The following ALG12 variants were observed in gnomAD, a reference collection of about 807,000 sequenced individuals.
The protein encoded by ALG12 is dol-P-Man:Man(7)GlcNAc(2)-PP-Dol alpha-1,6-mannosyltransferase.
ALG12 carries 36 observed loss-of-function variants against 46.0 expected under a neutral mutation model. The ratio of observed to expected loss-of-function variants is 0.78; its 90% CI spans 0.60 to 1.03. The LOEUF is 1.03. Ranked by LOEUF, ALG12 falls within the 50% of genes least tolerant of loss-of-function variation. The pLI is 0.00. For synonymous variants in ALG12, 326 were observed against 291.6 expected (o/e 1.12, Z -1.20); for missense variants, 599 against 633.5 (o/e 0.95, Z 0.58).
the ALG12 span, among the ~76,000 whole-genome samples, chr22:49,880,565 G>A: frequency 2.0e-5 from 3 of 152,200 alleles, no homozygotes; most frequent in African/African-American, 4.8e-5. Context: ...CTCTCTCAGC[G>A]TCTGAAAACG....
rs760312733 is a variant in ALG12 at position 49,909,387 on chromosome 22, C to T, written c.665-40G>A. The T allele has an allele frequency of 4.4e-6, 7 of 1,582,252 alleles. No homozygotes were observed. In the Admixed American group the frequency reaches 1.0e-4, roughly 23 times the overall value. On this transcript the variant is annotated intron_variant, in intron 5 of 9. Coordinates refer to ENST00000330817, the MANE Select transcript of ALG12 (RefSeq NM_024105.4). Reference sequence around the variant, plus strand: ...TAGAGTTTCTTAGTCGCAAACACAGCCATCAGTAAACATCCCGCCACAATG... The same window carrying T: ...TAGAGTTTCTTAGTCGCAAACACAGTCATCAGTAAACATCCCGCCACAATG...
the ALG12 span, chr22:49,884,037 T>C: frequency 6.2e-7 from 1 of 1,604,950 alleles, no homozygotes; most frequent in Non-Finnish European, 8.5e-7. Flanking sequence ...AGCATTTTTT[T>C]ATCTCTCCCC....
In ALG12 at chr22:49,907,876, G is replaced by A. The variant is rs200095556; in HGVS notation, c.837C>T (p.Ile279=). The A allele has an allele frequency of 1.6e-5, 26 of 1,613,826 alleles. No individual in the cohort carries two copies. The highest frequency in any genetic ancestry group is 1.9e-5 in the Non-Finnish European group (23 of 1,180,046). Residue 279 remains isoleucine, a synonymous_variant, in exon 7 of 10, where the codon ATC becomes ATT. Coordinates refer to ENST00000330817, the MANE Select transcript of ALG12 (RefSeq NM_024105.4). ...TCCTTCTGTCTACCAAGCCCAGGGG[G>A]ATGAAGAGCAGGCTGCAGCCCAGGC... ...PRGLGCSLLF[I]PLGLVDRRTH...
the ALG12 span, chr22:49,886,754 G>A: frequency 6.2e-7 from 1 of 1,612,670 alleles, no homozygotes; most frequent in South Asian, 1.1e-5. This position sits in a 1 kb window ranked among gnomAD's most constrained non-coding sequence, Gnocchi z 7.7. Flanking sequence ...GATTTAATCA[G>A]GGAACTCGAA....
At chr22:49,869,430 C>T in the ALG12 span, among the ~76,000 whole-genome samples, 1 of 152,208 alleles carries the variant, frequency 6.6e-6, no homozygotes, top group East Asian at 1.9e-4. Flanking sequence ...GGAGAACACT[C>T]TTGCGTGGAC....
chr22:49,864,554 C>T, the ALG12 span, among the ~76,000 whole-genome samples: 1 of 152,138 alleles, frequency 6.6e-6, no homozygotes, highest in Non-Finnish European at 1.5e-5. Flanking sequence ...TGGTGGCTTA[C>T]GCCTATAATC....
At position 49,903,671 on chromosome 22, in the gene ALG12, G is replaced by A; in HGVS notation, c.*167C>T. 1 of 804,860 alleles carries A rather than the reference G, an allele frequency of 1.2e-6. No individual in the cohort carries two copies. The highest frequency in any genetic ancestry group is 2.1e-6 in the Non-Finnish European group (1 of 478,138). The allele number at this position is 804,860 out of a possible 1,614,324, so 49.9% of individuals were successfully genotyped here. On this transcript the variant is annotated 3_prime_UTR_variant, in exon 10 of 10. Coordinates refer to ENST00000330817, the MANE Select transcript of ALG12 (RefSeq NM_024105.4). ...CTTTGGTGCTGAGAGCCCCAGCTGA[G>A]GCTGTGGAGGAGGCCCTGGACCTGG...
Position 49,903,667 on chromosome 22 carries a change from C to CT in ALG12, c.*170dup. On this transcript the variant is annotated 3_prime_UTR_variant, in exon 10 of 10. Transcript: ENST00000330817. ...CGTTCTTTGGTGCTGAGAGCCCCAG[C>CT]TGAGGCTGTGGAGGAGGCCCTGGAC... 1 of 795,468 alleles carries CT rather than the reference C, an allele frequency of 1.3e-6. No individual in the cohort carries two copies. The highest frequency in any genetic ancestry group is 2.1e-6 in the Non-Finnish European group (1 of 469,926). 49.3% of individuals were successfully genotyped at this position (795,468 alleles called of 1,614,324 possible). A position where few individuals can be genotyped will look rare whatever the true frequency, so the allele number is the denominator to read the frequency against.
In ALG12 at chr22:49,918,399, C is replaced by T. The variant is rs548464729; in HGVS notation, c.-215G>A. ...CTAAAGTGGCTACCGCAGCCCCGGC[C>T]GCTACGGCCGCAGAGACCCTCTGTG... On this transcript the variant is annotated 5_prime_UTR_variant, in exon 1 of 10. Coordinates refer to ENST00000330817, the MANE Select transcript of ALG12 (RefSeq NM_024105.4). 3 of 171,198 alleles carry T rather than the reference C, an allele frequency of 1.8e-5. No individual in the cohort carries two copies. The highest frequency in any genetic ancestry group is 6.3e-5 in the Admixed American group (1 of 15,858). The allele number at this position is 171,198 out of a possible 1,614,324, so 10.6% of individuals were successfully genotyped here.
At chr22:49,908,027 C>T in intron 6 of ALG12, 83 bp from the exon 7 acceptor site, 1 of 1,390,454 alleles carries the variant, frequency 7.2e-7, no homozygotes, top group Non-Finnish European at 9.9e-7. Flanking sequence ...GGAGAAGACG[C>T]TTGAAGACAG....
At chr22:49,887,128 A>C in the ALG12 span, 1 of 1,613,032 alleles carries the variant, frequency 6.2e-7, no homozygotes, top group Non-Finnish European at 8.5e-7. Flanking sequence ...ACATTTTGAA[A>C]AACTTATCTT....
the ALG12 span, chr22:49,883,587 C>T: frequency 5.5e-6 from 8 of 1,441,470 alleles, no homozygotes; most frequent in Non-Finnish European, 7.3e-6. Context: ...AGATAATCTA[C>T]ATTCGGGGGC....
the ALG12 span, among the ~76,000 whole-genome samples, chr22:49,861,853 TTG>T: frequency 1.3e-5 from 2 of 152,190 alleles, no homozygotes; most frequent in African/African-American, 4.8e-5. Context: ...GTTGCATTTT[TTG>T]TGTTTCTGGT....
At chr22:49,869,959 T>A in the ALG12 span, among the ~76,000 whole-genome samples, 1 of 152,112 alleles carries the variant, frequency 6.6e-6, no homozygotes, top group Non-Finnish European at 1.5e-5. Context: ...TCTTGTCCCC[T>A]CCTCCCTTCC....
At chr22:49,885,702 C>T in the ALG12 span, 4 of 1,609,088 alleles carry the variant, frequency 2.5e-6, no homozygotes, top group African/African-American at 2.7e-5. Context: ...ACAACGTTGG[C>T]TTTAACAGGC....
At position 49,913,374 on chromosome 22, in the gene ALG12, G is replaced by A; in HGVS notation, c.295+11C>T. On this transcript the variant is annotated intron_variant, in intron 3 of 9. Coordinates refer to ENST00000330817, the MANE Select transcript of ALG12 (RefSeq NM_024105.4). ...CCTCACTCCCTCCTCCTTTGTTGAA[G>A]ACCCCCTTACCTATTAGCTGAGAGT... The A allele has an allele frequency of 6.2e-7, 1 of 1,613,658 alleles. No homozygotes were observed.
the ALG12 span, among the ~76,000 whole-genome samples, chr22:49,867,429 A>G: frequency 6.6e-6 from 1 of 152,158 alleles, no homozygotes; most frequent in South Asian, 2.1e-4. Flanking sequence ...GGCTGACGGT[A>G]TTGCTCAAGT....
chr22:49,901,575 T>C lies in ALG12; in HGVS notation c.*2263A>G, dbSNP rs2060505669. Reference sequence around the variant, plus strand: ...GTGTGTGCACGATTGCATTGTGTGGTGTGTATGCATGGTGTGTGCACCTGT... The same window carrying C: ...GTGTGTGCACGATTGCATTGTGTGGCGTGTATGCATGGTGTGTGCACCTGT... On this transcript the variant is annotated 3_prime_UTR_variant, in exon 10 of 10. Transcript: ENST00000330817. 6.9e-6 allele frequency: 1 copy of C among 145,330 alleles called. No individual in the cohort carries two copies. The highest frequency in any genetic ancestry group is 6.9e-5 in the Admixed American group (1 of 14,398). 9.0% of individuals were successfully genotyped at this position (145,330 alleles called of 1,614,324 possible). A position where few individuals can be genotyped will look rare whatever the true frequency, so the allele number is the denominator to read the frequency against.
chr22:49,903,986 AGCCCAGGG>A lies in ALG12; in HGVS notation c.1311_1318del (p.Leu440ProfsTer242). ...GTGTGTGTCCCTGTAGAGGGCCAGG[AGCCCAGGG>A]GCCGCCTCCATGAGGATGTGTGTGT... On this transcript the variant is annotated frameshift_variant, in exon 10 of 10. Coordinates refer to ENST00000330817, the MANE Select transcript of ALG12 (RefSeq NM_024105.4). LOFTEE classifies it low-confidence loss of function (END_TRUNC). The A allele has an allele frequency of 6.2e-7, 1 of 1,614,194 alleles. No individual in the cohort carries two copies. The highest frequency in any genetic ancestry group is 8.5e-7 in the Non-Finnish European group (1 of 1,180,020).
Sources: gnomAD v4.1 joint callset for allele counts (sites outside exome capture counted in the v4.1 genomes callset) on GRCh38, gnomAD v4.1.1 for gene constraint, Gnocchi (gnomAD v3.1) non-coding constraint, MANE v1.5 for transcripts, NCBI Gene and HGNC (gene_info 2026-07-23, HGNC 2026-07-21) for gene names.